Variants in PLCZ1 observed in about 807,000 individuals in gnomAD.
PLCZ1 encodes the protein phospholipase C zeta 1, also known as 1-phosphatidylinositol 4,5-bisphosphate phosphodiesterase zeta-1.
A neutral mutation model predicts 76.8 loss-of-function variants in PLCZ1; 64 were observed. The ratio of observed to expected loss-of-function variants is 0.83; its 90% CI spans 0.68 to 1.03. The LOEUF is 1.03. PLCZ1 is among the 50% of genes least tolerant of loss of function. The probability of loss-of-function intolerance (pLI) is 0.00; values close to 1 mark genes in which losing one functional copy is unlikely to be tolerated. For missense variants in PLCZ1, 751 were observed against 713.7 expected, an observed-to-expected ratio of 1.05 and a Z score of -0.60; for synonymous variants, 248 against 230.8, an observed-to-expected ratio of 1.07 and a Z score of -0.68.
intron 5 of PLCZ1, among the ~76,000 whole-genome samples, chr12:18,718,303 C>T (rs2137504746): frequency 6.6e-6 from 1 of 152,250 alleles, no homozygotes; most frequent in Middle Eastern, 3.4e-3. Flanking sequence ...CACTGCTACA[C>T]CATCTTCCCA....
At chr12:18,737,221 C>A in intron 2 of PLCZ1, 140 bp downstream of exon 2, 1 of 902,402 alleles carries the variant, frequency 1.1e-6, no homozygotes, top group Non-Finnish European at 1.8e-6. Flanking sequence ...TAGAAAAGCT[C>A]AGAACAAACA....
At chr12:18,716,886 A>G (rs930624678) in intron 5 of PLCZ1, among the ~76,000 whole-genome samples, 2 of 152,186 alleles carry the variant, frequency 1.3e-5, no homozygotes, top group Non-Finnish European at 2.9e-5. Context: ...AAGATATTGA[A>G]TGCTTTACAG....
At chr12:18,650,704 G>GTGTATATCTATATATATA in the PLCZ1 span, among the ~76,000 whole-genome samples, 1 of 57,764 alleles carries the variant, frequency 1.7e-5, no homozygotes, top group Non-Finnish European at 4.0e-5. Context: ...GTGTGTGTGT[G>GTGTATATCTATATATATA]TATATATCTA....
chr12:18,713,117 A>T, intron 5 of PLCZ1, 131 bp from the exon 6 acceptor site: 1 of 1,262,444 alleles, frequency 7.9e-7, no homozygotes. Flanking sequence ...CTCTATAAAA[A>T]CTTGTCTTTG....
intron 7 of PLCZ1, among the ~76,000 whole-genome samples, chr12:18,702,093 C>A (rs1259554617): frequency 1.3e-5 from 2 of 152,088 alleles, no homozygotes; most frequent in South Asian, 2.1e-4. Context: ...TAAATACTTA[C>A]CATGATATTG....
At chr12:18,713,697 G>A (rs571426731) in intron 5 of PLCZ1, 5 of 152,030 alleles carry the variant, frequency 3.3e-5, no homozygotes, top group Non-Finnish European at 2.9e-5. Flanking sequence ...CTGTCTATTC[G>A]ACTCATAATT....
At chr12:18,733,731 C>T (rs1042992486) in intron 3 of PLCZ1, among the ~76,000 whole-genome samples, 4 of 152,094 alleles carry the variant, frequency 2.6e-5, no homozygotes, top group African/African-American at 9.7e-5. Context: ...TATCCTTTCC[C>T]CATTATGTAT....
Position 18,699,861 on chromosome 12 carries a change from T to G in PLCZ1, c.1107A>C (p.Leu369Phe). ...AATTATTTTCATTAAATTGCTGATA[T>G]AATCTTGAATGTTGAAAGCTTTTGA... ...EKFKSFQHSR[L>F]YQQFNENNSI... Residue 369 changes from leucine to phenylalanine, a missense_variant, in exon 10 of 15, where the codon TTA (leucine) becomes TTC (phenylalanine). By Grantham distance (22) the Leu-to-Phe change is conservative (BLOSUM62 0). Transcript: ENST00000266505. The G allele has an allele frequency of 1.2e-6, 2 of 1,613,206 alleles. No homozygotes were observed. Among genetic ancestry groups the G allele is most frequent in the Non-Finnish European group, 1.7e-6 (2 of 1,179,492 alleles).
At chr12:18,728,668 G>A (rs1202139650) in intron 3 of PLCZ1, among the ~76,000 whole-genome samples, 2 of 152,078 alleles carry the variant, frequency 1.3e-5, no homozygotes, top group Middle Eastern at 3.4e-3. Flanking sequence ...TAAGTGAAAT[G>A]CACAGAGAGG....
chr12:18,659,377 T>C, the PLCZ1 span, among the ~76,000 whole-genome samples: 1 of 152,126 alleles, frequency 6.6e-6, no homozygotes, highest in Non-Finnish European at 1.5e-5. Flanking sequence ...AAAGAACTCT[T>C]TGTTCCCTAA....
At chr12:18,652,046 G>A in the PLCZ1 span, among the ~76,000 whole-genome samples, 45 of 152,216 alleles carry the variant, frequency 3.0e-4, no homozygotes, top group Non-Finnish European at 5.4e-4. Flanking sequence ...TTAGTTTTAC[G>A]TATAACTTTT....
intron 6 of PLCZ1, among the ~76,000 whole-genome samples, chr12:18,706,720 G>A (rs1039686367): frequency 2.0e-5 from 3 of 152,178 alleles, no homozygotes; most frequent in Non-Finnish European, 4.4e-5. Flanking sequence ...GGAATCACAA[G>A]TCTTACTGCA....
At chr12:18,666,002 G>C in the PLCZ1 span, among the ~76,000 whole-genome samples, 3 of 150,800 alleles carry the variant, frequency 2.0e-5, no homozygotes, top group Non-Finnish European at 4.4e-5. Context: ...TGTGACCAAA[G>C]TCTTCGTATA....
intron 10 of PLCZ1, among the ~76,000 whole-genome samples, chr12:18,697,270 T>C (rs896140550): frequency 1.3e-5 from 2 of 152,122 alleles, no homozygotes; most frequent in Non-Finnish European, 2.9e-5. Flanking sequence ...GGAAGCATTG[T>C]CAAATTAAAA....
chr12:18,701,626 C>T (rs1955937358), intron 8 of PLCZ1, 58 bp from the exon 9 acceptor site: 5 of 1,565,324 alleles, frequency 3.2e-6, no homozygotes, highest in Non-Finnish European at 4.3e-6. Context: ...TCCTCCTCCT[C>T]CTCCTCCTCC....
chr12:18,650,900 A>G, the PLCZ1 span, among the ~76,000 whole-genome samples: 1 of 151,488 alleles, frequency 6.6e-6, no homozygotes, highest in South Asian at 2.1e-4. Flanking sequence ...GGATTATATA[A>G]TTGCCTTCTG....
chr12:18,670,432 C>T, the PLCZ1 span, among the ~76,000 whole-genome samples: 595 of 152,088 alleles, frequency 3.9e-3, 4 homozygotes, highest in African/African-American at 0.014. Flanking sequence ...TAAAGGGGAG[C>T]AAACAAACCA....
At chr12:18,723,843 T>C (rs1302476653) in intron 3 of PLCZ1, among the ~76,000 whole-genome samples, 1 of 152,100 alleles carries the variant, frequency 6.6e-6, no homozygotes, top group Non-Finnish European at 1.5e-5. Flanking sequence ...TACTTCAATA[T>C]CTTCTTAAAA....
rs1157272038 is a variant in PLCZ1 at position 18,686,979 on chromosome 12, G to C, written c.1591+1110C>G. Among the ~76,000 whole-genome samples, 4 of 152,106 alleles carry C rather than the reference G, an allele frequency of 2.6e-5. No individual in the cohort carries two copies. In the South Asian group the frequency reaches 8.3e-4, roughly 32 times the overall value. On this transcript the variant is annotated intron_variant, in intron 13 of 14. Coordinates refer to ENST00000266505, the MANE Select transcript of PLCZ1 (RefSeq NM_033123.4). ...AATAAATTAAGTTTCTAAGCATTTT[G>C]TGATGAAGATTCAAGTAGAGGATGG...
Sources: gnomAD v4.1 joint callset for allele counts (sites outside exome capture counted in the v4.1 genomes callset) on GRCh38, gnomAD v4.1.1 for gene constraint, MANE v1.5 for transcripts, NCBI Gene and HGNC (gene_info 2026-07-23, HGNC 2026-07-21) for gene names.